The following CXCL12 variants were observed in gnomAD, a reference collection of about 807,000 sequenced individuals.
CXCL12 encodes the protein C-X-C motif chemokine ligand 12, also known as stromal cell-derived factor 1.
CXCL12 carries 4 observed loss-of-function variants against 10.7 expected under a neutral mutation model. The ratio of observed to expected loss-of-function variants is 0.37; its 90% CI spans 0.18 to 0.86. The LOEUF is 0.86. Ranked by LOEUF, CXCL12 falls within the 40% of genes least tolerant of loss-of-function variation. CXCL12 has a pLI of 0.43. For missense variants in CXCL12, 122 were observed against 110.4 expected, an observed-to-expected ratio of 1.10 and a Z score of -0.47; for synonymous variants, 54 against 45.4, an observed-to-expected ratio of 1.19 and a Z score of -0.77.
rs767659681 is a variant in CXCL12, at chr10:44,378,689, T to G, written c.214A>C (p.Ile72Leu). The G allele has an allele frequency of 1.2e-6, 2 of 1,614,218 alleles. No individual in the cohort carries two copies. The highest frequency in any genetic ancestry group is 8.5e-7 in the Non-Finnish European group (1 of 1,180,042). Reference protein sequence around the residue: ...RLKNNNRQVCIDPKLKWIQEY... With the variant: ...RLKNNNRQVCLDPKLKWIQEY... Reference sequence around the variant, plus strand: ...TGAATCCACTTTAGCTTCGGGTCAATGCACACTTGTCTGTTGTTGTTCTTC... The same window carrying G: ...TGAATCCACTTTAGCTTCGGGTCAAGGCACACTTGTCTGTTGTTGTTCTTC... The change falls in exon 3 of 3, where the codon ATT (isoleucine) becomes CTT (leucine). Residue 72 changes from isoleucine to leucine, a missense_variant. Coordinates refer to ENST00000343575, the MANE Select transcript of CXCL12 (RefSeq NM_199168.4).
downstream of CXCL12, chr10:44,375,878 G>A (rs1245673828): frequency 1.3e-5 from 21 of 1,605,022 alleles, no homozygotes; most frequent in Admixed American, 1.4e-4. Context: ...GAGGAGGATC[G>A]AGCAAATTTA....
chr10:44,380,477 T>C, intron 2 of CXCL12: 1 of 353,164 alleles, frequency 2.8e-6, no homozygotes, highest in Non-Finnish European at 5.2e-6. Flanking sequence ...AAGCCCATAG[T>C]TTCTCCAGCA....
chr10:44,373,146 A>G (rs554958561), downstream of CXCL12: 1,664 of 1,536,538 alleles, frequency 1.1e-3, 13 homozygotes, highest in South Asian at 7.3e-3. Context: ...ACTAAATGAA[A>G]AATAAATGTC....
At position 44,378,446 on chromosome 10, in the gene CXCL12, G is replaced by T; in HGVS notation, c.*187C>A. On this transcript the variant is annotated 3_prime_UTR_variant, in exon 3 of 3. Transcript: ENST00000343575. The stretch of plus-strand genomic sequence containing the variant: ...TATAAGCTGCAATATCATACCGTAT[G>T]CTATAAATGCAGGGTCTAAATGCTG... 6.5e-7 allele frequency: 1 copy of T among 1,540,602 alleles called. No individual in the cohort carries two copies. The highest frequency in any genetic ancestry group is 8.7e-7 in the Non-Finnish European group (1 of 1,145,554).
intron 1 of CXCL12, 87 bp downstream of exon 1, chr10:44,384,858 G>A (rs1839749763): frequency 1.5e-6 from 2 of 1,350,750 alleles, no homozygotes; most frequent in Non-Finnish European, 1.0e-6. Context: ...CGCAAACTGC[G>A]GGCGCAGGCA....
intron 1 of CXCL12, among the ~76,000 whole-genome samples, chr10:44,382,334 C>T (rs942207574): frequency 2.6e-5 from 4 of 152,216 alleles, no homozygotes; most frequent in Non-Finnish European, 5.9e-5. Context: ...AAAGCCACCC[C>T]CAGGGCCGGG....
chr10:44,384,584 G>C (rs1839739237), intron 1 of CXCL12, among the ~76,000 whole-genome samples: 1 of 152,194 alleles, frequency 6.6e-6, no homozygotes, highest in Admixed American at 6.5e-5. Flanking sequence ...CCCGCAGCGG[G>C]AAGGCAGTGG....
chr10:44,373,112 T>TC, downstream of CXCL12: 1 of 1,535,348 alleles, frequency 6.5e-7, no homozygotes, highest in Non-Finnish European at 8.7e-7. Context: ...CTGCTACGTG[T>TC]CGCCAGTGAC....
In CXCL12 at chr10:44,378,595, G is replaced by T; in HGVS notation, c.*38C>A. ...CTCTCACAAGGTTTTAGTTTTCCTCGAGTGGGTCTAGCGGAAAGTCCTTTT... is the reference window on the plus strand; with the variant it reads ...CTCTCACAAGGTTTTAGTTTTCCTCTAGTGGGTCTAGCGGAAAGTCCTTTT... On this transcript the variant is annotated 3_prime_UTR_variant, in exon 3 of 3. Transcript: ENST00000343575. The T allele has an allele frequency of 1.2e-6, 2 of 1,613,534 alleles. No homozygotes were observed. The highest frequency in any genetic ancestry group is 1.1e-5 in the South Asian group (1 of 91,012).
At chr10:44,376,077 A>G, downstream of CXCL12, 2 of 1,601,758 alleles carry the variant, frequency 1.2e-6, no homozygotes, top group African/African-American at 1.3e-5. Flanking sequence ...GAAATAAACA[A>G]AAGTTCGTCT....
chr10:44,383,170 A>G (rs1839683839), intron 1 of CXCL12, among the ~76,000 whole-genome samples: 1 of 152,194 alleles, frequency 6.6e-6, no homozygotes, highest in African/African-American at 2.4e-5. Flanking sequence ...TCTGTAGTGC[A>G]GCTTGAGGAC....
chr10:44,379,459 C>G (rs1216502554), intron 2 of CXCL12, among the ~76,000 whole-genome samples: 1 of 152,162 alleles, frequency 6.6e-6, no homozygotes, highest in Non-Finnish European at 1.5e-5. Context: ...CCAGAAAGCC[C>G]TTTGGTGCCA....
At chr10:44,379,665 C>G (rs1431330683) in intron 2 of CXCL12, among the ~76,000 whole-genome samples, 1 of 152,028 alleles carries the variant, frequency 6.6e-6, no homozygotes, top group Non-Finnish European at 1.5e-5. Context: ...AGTGTCTGCT[C>G]AGACCTGAGA....
At position 44,378,314 on chromosome 10, in the gene CXCL12, C is replaced by T. The variant is rs778895073; in HGVS notation, c.*319G>A. 24 of 1,478,724 alleles carry T rather than the reference C, an allele frequency of 1.6e-5. No homozygotes were observed. The highest frequency in any genetic ancestry group is 2.2e-5 in the Non-Finnish European group (24 of 1,104,456). 91.6% of individuals were successfully genotyped at this position (1,478,724 alleles called of 1,614,324 possible). A position where few individuals can be genotyped will look rare whatever the true frequency, so the allele number is the denominator to read the frequency against. ...TGAGAATGATGATGATTGTGATGAT[C>T]ATGAAGGAACTAACTGCTTGAAAAT... On this transcript the variant is annotated 3_prime_UTR_variant, in exon 3 of 3. Transcript: ENST00000343575.
chr10:44,379,273 G>C (rs1839556328), intron 2 of CXCL12, among the ~76,000 whole-genome samples: 1 of 151,938 alleles, frequency 6.6e-6, no homozygotes, highest in Admixed American at 6.6e-5. Context: ...AGGGTGACCA[G>C]CCAGGGAGGG....
downstream of CXCL12, among the ~76,000 whole-genome samples, chr10:44,376,876 A>C (rs1839469011): frequency 6.6e-6 from 1 of 150,946 alleles, no homozygotes; most frequent in Non-Finnish European, 1.5e-5. Context: ...GTCAAATATT[A>C]TTCTTCAGAA....
rs773511085 is a variant in CXCL12, at chr10:44,378,284, G to T, written c.*349C>A. 2.0e-6 allele frequency: 3 copies of T among 1,468,030 alleles called. No homozygotes were observed. The highest frequency in any genetic ancestry group is 2.7e-6 in the Non-Finnish European group (3 of 1,098,062). 90.9% of individuals were successfully genotyped at this position (1,468,030 alleles called of 1,614,324 possible). A position where few individuals can be genotyped will look rare whatever the true frequency, so the allele number is the denominator to read the frequency against. On this transcript the variant is annotated 3_prime_UTR_variant, in exon 3 of 3. Coordinates refer to ENST00000343575, the MANE Select transcript of CXCL12 (RefSeq NM_199168.4). ...TGAAGTACTCGTTGATTTAAAAAATGAGAATGAGAATGATGATGATTGTGA... is the reference window on the plus strand; with the variant it reads ...TGAAGTACTCGTTGATTTAAAAAATTAGAATGAGAATGATGATGATTGTGA...
chr10:44,374,664 G>T (rs1388218527), downstream of CXCL12: 11 of 455,960 alleles, frequency 2.4e-5, no homozygotes, highest in Non-Finnish European at 4.9e-5. Context: ...AGCTCAAGGG[G>T]ACACCACGCT....
intron 2 of CXCL12, chr10:44,380,488 T>C: frequency 2.6e-6 from 1 of 382,806 alleles, no homozygotes; most frequent in East Asian, 4.5e-5. Context: ...TTCTCCAGCA[T>C]CCAGCTGTGC....
Sources: gnomAD v4.1 joint callset for allele counts (sites outside exome capture counted in the v4.1 genomes callset) on GRCh38, gnomAD v4.1.1 for gene constraint, MANE v1.5 for transcripts, NCBI Gene and HGNC (gene_info 2026-07-23, HGNC 2026-07-21) for gene names.